The following ALK variants were observed in gnomAD, a reference collection of about 807,000 sequenced individuals.
ALK encodes ALK tyrosine kinase receptor.
ALK carries 74 observed loss-of-function variants against 163.1 expected under a neutral mutation model. The ratio of observed to expected loss-of-function variants is 0.45; its 90% confidence interval spans 0.38 to 0.55. ALK has a LOEUF of 0.55. ALK is among the 20% of genes least tolerant of loss of function. The pLI, the probability that ALK is intolerant of heterozygous loss-of-function variation, is 0.00. For missense variants in ALK, 2,063 were observed against 2,105.3 expected (o/e 0.98, Z 0.39); for synonymous variants, 960 against 843.2 (o/e 1.14, Z -2.40).
intron 1 of ALK, among the ~76,000 whole-genome samples, chr2:29,913,324 C>A (rs570622257): frequency 6.6e-6 from 1 of 152,130 alleles, no homozygotes; most frequent in African/African-American, 2.4e-5. Context: ...GAAAAATAAG[C>A]TATTCTGAAA....
chr2:29,700,217 A>T (rs776563150), intron 2 of ALK, among the ~76,000 whole-genome samples: 3 of 152,176 alleles, frequency 2.0e-5, no homozygotes, highest in Non-Finnish European at 4.4e-5. Context: ...CATCACACTC[A>T]ATGGGGACTT....
chr2:29,335,759 T>G (rs1461599597), intron 5 of ALK, among the ~76,000 whole-genome samples: 1 of 152,112 alleles, frequency 6.6e-6, no homozygotes, highest in African/African-American at 2.4e-5. Context: ...TTTTAAAATT[T>G]CTGGGTGCCG....
intron 4 of ALK, among the ~76,000 whole-genome samples, chr2:29,390,975 C>G (rs114831174): frequency 6.6e-6 from 1 of 152,030 alleles, no homozygotes; most frequent in African/African-American, 2.4e-5. Flanking sequence ...GGTTTCAGGT[C>G]GAAAGGGGAT....
chr2:29,905,144 C>A (rs919422962), intron 1 of ALK, among the ~76,000 whole-genome samples: 8 of 152,228 alleles, frequency 5.3e-5, no homozygotes, highest in African/African-American at 1.9e-4. Context: ...AAAGTAATTT[C>A]TTGATGTTAT....
intron 1 of ALK, among the ~76,000 whole-genome samples, chr2:29,807,110 A>G (rs1174218465): frequency 6.6e-6 from 1 of 152,204 alleles, no homozygotes; most frequent in African/African-American, 2.4e-5. Context: ...AACTTTCTTA[A>G]AGCCCACAAA....
At chr2:29,527,744 G>GC (rs1357580613) in intron 4 of ALK, among the ~76,000 whole-genome samples, 5 of 152,012 alleles carry the variant, frequency 3.3e-5, no homozygotes, top group African/African-American at 1.2e-4. Context: ...TGAACTCCTG[G>GC]CCCCAAGTGA....
At chr2:29,299,021 C>T (rs1398125284) in intron 8 of ALK, among the ~76,000 whole-genome samples, 1 of 152,168 alleles carries the variant, frequency 6.6e-6, no homozygotes, top group Non-Finnish European at 1.5e-5. Context: ...ATTTCTTTGC[C>T]CCATTCAGAT....
At chr2:29,702,988 T>A (rs1197843713) in intron 2 of ALK, among the ~76,000 whole-genome samples, 1 of 152,200 alleles carries the variant, frequency 6.6e-6, no homozygotes, top group Non-Finnish European at 1.5e-5. Context: ...TTGGGTCTGA[T>A]TGGGATCCCA....
intron 2 of ALK, among the ~76,000 whole-genome samples, chr2:29,700,416 T>C (rs1678698553): frequency 6.6e-6 from 1 of 152,080 alleles, no homozygotes; most frequent in African/African-American, 2.4e-5. Flanking sequence ...TGGTGGTGCA[T>C]GCCTGTAATC....
chr2:29,690,614 G>C (rs192317263), intron 3 of ALK, among the ~76,000 whole-genome samples: 29 of 152,178 alleles, frequency 1.9e-4, no homozygotes, highest in African/African-American at 6.7e-4. Flanking sequence ...TCCATCTGAT[G>C]GTTCTTCAAG....
At chr2:29,311,752 C>A (rs1441681716) in intron 8 of ALK, among the ~76,000 whole-genome samples, 1 of 152,078 alleles carries the variant, frequency 6.6e-6, no homozygotes, top group Middle Eastern at 3.2e-3. Context: ...CTCTCCTGAG[C>A]CTTCTCTCAT....
intron 4 of ALK, among the ~76,000 whole-genome samples, chr2:29,414,647 T>A (rs1047756800): frequency 6.6e-6 from 1 of 152,212 alleles, no homozygotes; most frequent in African/African-American, 2.4e-5. Context: ...GAACAAACTA[T>A]TTTTAAGTAC....
intron 26 of ALK, among the ~76,000 whole-genome samples, chr2:29,204,576 C>G (rs1461699084): frequency 6.6e-6 from 1 of 152,088 alleles, no homozygotes; most frequent in African/African-American, 2.4e-5. Flanking sequence ...GGCAACATGA[C>G]CCAGCCCTGT....
intron 9 of ALK, among the ~76,000 whole-genome samples, chr2:29,292,872 C>A (rs1040798279): frequency 6.6e-6 from 1 of 152,176 alleles, no homozygotes; most frequent in African/African-American, 2.4e-5. Context: ...GCTTTATGTA[C>A]CTATGACTTA....
At chr2:29,251,694 G>A (rs927148315) in intron 11 of ALK, among the ~76,000 whole-genome samples, 5 of 152,236 alleles carry the variant, frequency 3.3e-5, no homozygotes, top group Admixed American at 6.5e-5. Flanking sequence ...AGCCTAGCAC[G>A]GTGCTGGGCA....
intron 4 of ALK, among the ~76,000 whole-genome samples, chr2:29,404,092 T>A (rs191921853): frequency 6.6e-6 from 1 of 151,956 alleles, no homozygotes; most frequent in East Asian, 1.9e-4. Context: ...TCGTCTGAGG[T>A]TAAGAGTTTG....
At chr2:29,895,175 G>T (rs78137019) in intron 1 of ALK, among the ~76,000 whole-genome samples, 1 of 152,176 alleles carries the variant, frequency 6.6e-6, no homozygotes, top group African/African-American at 2.4e-5. Flanking sequence ...CACAAGGGCC[G>T]CTGGTTGATC....
At chr2:29,780,393 A>G (rs889285058) in intron 1 of ALK, among the ~76,000 whole-genome samples, 1 of 152,142 alleles carries the variant, frequency 6.6e-6, no homozygotes, top group Non-Finnish European at 1.5e-5. Flanking sequence ...ACCCTCACCC[A>G]CTGGAGCAGC....
chr2:29,655,390 C>T (rs1049587667), intron 3 of ALK, among the ~76,000 whole-genome samples: 1 of 152,106 alleles, frequency 6.6e-6, no homozygotes. Flanking sequence ...AATAATAATA[C>T]ACCAGTTCTG....
Sources: gnomAD v4.1 joint callset for allele counts (sites outside exome capture counted in the v4.1 genomes callset) on GRCh38, gnomAD v4.1.1 for gene constraint, MANE v1.5 for transcripts, NCBI Gene and HGNC (gene_info 2026-07-23, HGNC 2026-07-21) for gene names.